The following NRG3 variants were observed in gnomAD, a reference collection of about 807,000 sequenced individuals.
The protein encoded by NRG3 is neuregulin 3, also known as pro-neuregulin-3, membrane-bound isoform.
A neutral mutation model predicts 66.9 loss-of-function variants in NRG3; 31 were observed. That is an observed-to-expected ratio of 0.46 (90% CI 0.35 to 0.63). The LOEUF is 0.63. NRG3 is among the 20% of genes least tolerant of loss of function. NRG3 has a pLI of 0.00. For synonymous variants in NRG3, 393 were observed against 359.4 expected, an observed-to-expected ratio of 1.09 and a Z score of -1.06; for missense variants, 910 against 878.9, an observed-to-expected ratio of 1.04 and a Z score of -0.45.
At chr10:82,282,652 T>C (rs576162319) in intron 1 of NRG3, among the ~76,000 whole-genome samples, 2 of 152,236 alleles carry the variant, frequency 1.3e-5, no homozygotes, top group Admixed American at 6.5e-5. Context: ...CACAAGGTTG[T>C]TGTGATGATT....
chr10:82,282,515 A>G (rs907703435), intron 1 of NRG3, among the ~76,000 whole-genome samples: 1 of 152,152 alleles, frequency 6.6e-6, no homozygotes, highest in Non-Finnish European at 1.5e-5. Flanking sequence ...AGGAGGGCTC[A>G]GGACCAGAAT....
chr10:82,748,270 A>T (rs1434105772), intron 3 of NRG3, among the ~76,000 whole-genome samples: 2 of 151,698 alleles, frequency 1.3e-5, no homozygotes, highest in African/African-American at 4.8e-5. Flanking sequence ...AATATGCTTG[A>T]AAAACAACCA....
At chr10:81,933,791 A>G (rs1422613854) in intron 1 of NRG3, among the ~76,000 whole-genome samples, 1 of 152,168 alleles carries the variant, frequency 6.6e-6, no homozygotes, top group Non-Finnish European at 1.5e-5. Context: ...TTTATAGAGT[A>G]GCCTGTATTT....
At chr10:82,532,272 C>T (rs1847340950) in intron 2 of NRG3, among the ~76,000 whole-genome samples, 2 of 151,674 alleles carry the variant, frequency 1.3e-5, no homozygotes, top group South Asian at 2.1e-4. Context: ...CCATTTTAGA[C>T]ACCTCATATA....
intron 4 of NRG3, among the ~76,000 whole-genome samples, chr10:82,897,433 G>A (rs1352002402): frequency 1.3e-5 from 2 of 152,118 alleles, no homozygotes; most frequent in African/African-American, 2.4e-5. Context: ...AACCTGCCCA[G>A]TCCCTGAAAC....
intron 1 of NRG3, among the ~76,000 whole-genome samples, chr10:82,218,184 CATT>C (rs1285963550): frequency 5.3e-5 from 8 of 152,212 alleles, no homozygotes; most frequent in African/African-American, 1.9e-4. Flanking sequence ...ATGATGAAGT[CATT>C]AATAATAACG....
chr10:82,099,544 C>CT (rs2066594366), intron 1 of NRG3, among the ~76,000 whole-genome samples: 1 of 152,154 alleles, frequency 6.6e-6, no homozygotes, highest in Non-Finnish European at 1.5e-5. Flanking sequence ...GTTGTTTTGG[C>CT]TATTCTCATT....
intron 1 of NRG3, among the ~76,000 whole-genome samples, chr10:82,075,097 T>G (rs889859736): frequency 6.6e-6 from 1 of 152,222 alleles, no homozygotes; most frequent in Non-Finnish European, 1.5e-5. Context: ...TAAACTTGTT[T>G]TGATTTGCAT....
intron 1 of NRG3, among the ~76,000 whole-genome samples, chr10:82,317,012 A>T (rs563537496): frequency 6.6e-6 from 1 of 152,006 alleles, no homozygotes; most frequent in Non-Finnish European, 1.5e-5. Context: ...TACCTTTCCA[A>T]TCAGCTGGTT....
intron 2 of NRG3, among the ~76,000 whole-genome samples, chr10:82,388,669 G>T (rs2086166084): frequency 6.6e-6 from 1 of 152,156 alleles, no homozygotes; most frequent in Admixed American, 6.5e-5. Flanking sequence ...ATTAGTACAA[G>T]ATTTCATCTT....
At chr10:82,014,467 A>G (rs1166477884) in intron 1 of NRG3, among the ~76,000 whole-genome samples, 1 of 152,132 alleles carries the variant, frequency 6.6e-6, no homozygotes, top group Non-Finnish European at 1.5e-5. Flanking sequence ...AAATAGCTAA[A>G]CACCATCACA....
chr10:82,252,254 AT>A (rs1407805203), intron 1 of NRG3, among the ~76,000 whole-genome samples: 1 of 152,104 alleles, frequency 6.6e-6, no homozygotes, highest in African/African-American at 2.4e-5. Flanking sequence ...GGTACAAAAA[AT>A]TTTTTTCCCT....
At position 81,898,699 on chromosome 10, in the gene NRG3, GTTTT is replaced by G. The variant is rs574810616; in HGVS notation, c.823+22546_823+22549del. On this transcript the variant is annotated intron_variant, in intron 1 of 8. Transcript: ENST00000372141. ...TAAATAAATAATACGTGTTTGAAGA[GTTTT>G]TTTTTTTTTGTACAAGGGAGAAATA... Among the ~76,000 whole-genome samples, 4 of 144,600 alleles carry G rather than the reference GTTTT, an allele frequency of 2.8e-5. No individual in the cohort carries two copies. The East Asian group carries it at 8.1e-4, about 29-fold the overall frequency. 94.9% of individuals were successfully genotyped at this position (144,600 alleles called of 152,430 possible).
Position 82,144,243 on chromosome 10 carries a change from G to A in NRG3, c.824-214496G>A, listed in dbSNP as rs750288551. 3.9e-5 allele frequency among the ~76,000 whole-genome samples: 6 copies of A among 152,156 alleles called. No homozygotes were observed. In the South Asian group the frequency reaches 8.3e-4, roughly 21 times the overall value. ...TCAACTACTATGTGGTTGATTTAAG[G>A]TATGTGAAACAAGCATTCATCTGTT... On this transcript the variant is annotated intron_variant, in intron 1 of 8. Coordinates refer to ENST00000372141, the MANE Select transcript of NRG3 (RefSeq NM_001010848.4).
At chr10:82,021,301 G>A (rs962567416) in intron 1 of NRG3, among the ~76,000 whole-genome samples, 2 of 151,900 alleles carry the variant, frequency 1.3e-5, no homozygotes, top group African/African-American at 4.8e-5. Context: ...TTGATTTTTA[G>A]GTACTTTTTA....
At chr10:82,102,602 T>C (rs1188721845) in intron 1 of NRG3, among the ~76,000 whole-genome samples, 2 of 151,804 alleles carry the variant, frequency 1.3e-5, no homozygotes, top group African/African-American at 4.8e-5. Flanking sequence ...TTATTGGCCT[T>C]TTGGGATATA....
intron 1 of NRG3, among the ~76,000 whole-genome samples, chr10:82,134,036 A>G (rs371240282): frequency 6.6e-6 from 1 of 152,012 alleles, no homozygotes; most frequent in Non-Finnish European, 1.5e-5. Context: ...CTTTTTTCAT[A>G]TGCTTGTTGG....
chr10:81,941,979 A>G (rs566762837), intron 1 of NRG3, among the ~76,000 whole-genome samples: 13 of 152,288 alleles, frequency 8.5e-5, no homozygotes, highest in African/African-American at 2.9e-4. Flanking sequence ...ACAGAAGACT[A>G]CATTTTAGAA....
intron 4 of NRG3, among the ~76,000 whole-genome samples, chr10:82,937,724 T>C (rs1255208584): frequency 6.6e-6 from 1 of 152,142 alleles, no homozygotes; most frequent in Non-Finnish European, 1.5e-5. Flanking sequence ...TGAACACAGT[T>C]TGAACAGTTG....
Sources: allele counts gnomAD v4.1 joint callset (sites outside exome capture counted in the v4.1 genomes callset), GRCh38; gene constraint gnomAD v4.1.1; transcripts MANE v1.5; gene names NCBI Gene and HGNC (gene_info 2026-07-23, HGNC 2026-07-21).